The following CCNH variants were observed in gnomAD, a reference collection of about 807,000 sequenced individuals.
CCNH encodes cyclin H, also known as cyclin-H.
A neutral mutation model predicts 41.9 loss-of-function variants in CCNH; 31 were observed. That is an observed-to-expected ratio of 0.74 (90% CI 0.56 to 1.00). CCNH has a LOEUF of 1.00. CCNH is among the 50% of genes least tolerant of loss of function. CCNH has a pLI of 0.00. For synonymous variants in CCNH, 138 were observed against 136.1 expected (o/e 1.01, Z -0.10); for missense variants, 362 against 388.4 (o/e 0.93, Z 0.57).
At chr5:87,410,479 G>A (rs1764148700) in intron 2 of CCNH, among the ~76,000 whole-genome samples, 1 of 151,794 alleles carries the variant, frequency 6.6e-6, no homozygotes, top group African/African-American at 2.4e-5. Context: ...TAAAAATGGA[G>A]ATAATTTCCT....
At chr5:87,401,598 C>A in intron 6 of CCNH, 104 bp downstream of exon 6, 1 of 732,194 alleles carries the variant, frequency 1.4e-6, no homozygotes, top group East Asian at 2.8e-5. Context: ...GAAAAGAAAT[C>A]TAAACAAAAA....
chr5:87,345,858 G>A (rs1212383826), intron 9 of CCNH, among the ~76,000 whole-genome samples: 4 of 152,054 alleles, frequency 2.6e-5, no homozygotes, highest in African/African-American at 4.8e-5. Context: ...ATAGGTGATC[G>A]GGAATTGTCA....
intron 4 of CCNH, among the ~76,000 whole-genome samples, chr5:87,407,682 C>T (rs1431887737): frequency 6.6e-6 from 1 of 152,080 alleles, no homozygotes; most frequent in East Asian, 1.9e-4. Flanking sequence ...TCTAAACTCT[C>T]AATGGTCTTC....
At chr5:87,355,939 G>A (rs1759616324) in intron 9 of CCNH, among the ~76,000 whole-genome samples, 3 of 152,202 alleles carry the variant, frequency 2.0e-5, no homozygotes, top group South Asian at 4.1e-4. Context: ...TGGAAGTGGA[G>A]CTTGAAGATG....
intron 9 of CCNH, among the ~76,000 whole-genome samples, chr5:87,364,601 C>G (rs1164469255): frequency 6.6e-6 from 1 of 151,958 alleles, no homozygotes; most frequent in East Asian, 1.9e-4. Context: ...TGAGATTTTT[C>G]TGCCCCTCTT....
chr5:87,359,018 CAT>C (rs1759872038), intron 9 of CCNH, among the ~76,000 whole-genome samples: 1 of 152,196 alleles, frequency 6.6e-6, no homozygotes, highest in Non-Finnish European at 1.5e-5. Flanking sequence ...TACCTTCTAA[CAT>C]GTAGTACAAT....
intron 9 of CCNH, among the ~76,000 whole-genome samples, chr5:87,342,942 C>T (rs1403904672): frequency 6.6e-6 from 1 of 152,026 alleles, no homozygotes; most frequent in Non-Finnish European, 1.5e-5. Context: ...AAATATAAAT[C>T]CCACTTTCAC....
chr5:87,389,621 T>G, downstream of CCNH: 1 of 1,511,210 alleles, frequency 6.6e-7, no homozygotes, highest in Non-Finnish European at 9.1e-7. Flanking sequence ...ATTTTTATCT[T>G]GTTACATTAA....
intron 9 of CCNH, among the ~76,000 whole-genome samples, chr5:87,383,546 T>A (rs1337244212): frequency 6.6e-6 from 1 of 152,150 alleles, no homozygotes; most frequent in African/African-American, 2.4e-5. Context: ...TGCTTTGGCT[T>A]ACTGTTTTCT....
chr5:87,373,205 C>G (rs1761073725), downstream of CCNH, among the ~76,000 whole-genome samples: 1 of 152,036 alleles, frequency 6.6e-6, no homozygotes, highest in Non-Finnish European at 1.5e-5. Context: ...TCAGCCCTTT[C>G]TATTCATGGG....
downstream of CCNH, chr5:87,386,898 C>G: frequency 6.2e-7 from 1 of 1,610,628 alleles, no homozygotes; most frequent in East Asian, 2.2e-5. Flanking sequence ...TTTAGATGAA[C>G]TTGGGGTATG....
downstream of CCNH, among the ~76,000 whole-genome samples, chr5:87,375,248 T>G (rs1263542397): frequency 6.6e-6 from 1 of 152,092 alleles, no homozygotes; most frequent in Non-Finnish European, 1.5e-5. Flanking sequence ...TTTCTACTTT[T>G]TAGGTTTTTC....
chr5:87,366,770 G>T (rs577392292), intron 9 of CCNH, among the ~76,000 whole-genome samples: 1 of 152,170 alleles, frequency 6.6e-6, no homozygotes, highest in African/African-American at 2.4e-5. Flanking sequence ...AGTGGCTCAC[G>T]CCTGTAATCC....
intron 9 of CCNH, among the ~76,000 whole-genome samples, chr5:87,359,321 A>T (rs1288782826): frequency 6.6e-6 from 1 of 152,172 alleles, no homozygotes; most frequent in Non-Finnish European, 1.5e-5. Flanking sequence ...CTTGGGAGGA[A>T]TGTAAAAAAT....
At chr5:87,330,983 G>C in intron 9 of CCNH, 1 of 1,429,900 alleles carries the variant, frequency 7.0e-7, no homozygotes. Context: ...ATAAGATCGA[G>C]GTAGTAAATT....
At chr5:87,324,653 G>A (rs1330339666) in intron 9 of CCNH, among the ~76,000 whole-genome samples, 1 of 152,156 alleles carries the variant, frequency 6.6e-6, no homozygotes, top group Non-Finnish European at 1.5e-5. Context: ...ATGCACGCAT[G>A]TGCACACACA....
intron 9 of CCNH, among the ~76,000 whole-genome samples, chr5:87,321,685 A>G (rs1306024295): frequency 6.6e-6 from 1 of 152,242 alleles, no homozygotes; most frequent in Non-Finnish European, 1.5e-5. Context: ...GTTTCCGTGG[A>G]GTTAGGGTAT....
intron 9 of CCNH, chr5:87,353,035 T>C (rs1422864875): frequency 1.4e-6 from 1 of 690,206 alleles, no homozygotes; most frequent in Non-Finnish European, 2.6e-6. Context: ...AATGTATTTG[T>C]GTTATGTGCT....
chr5:87,378,758 C>G (rs189398739), upstream of CCNH, among the ~76,000 whole-genome samples: 1 of 152,022 alleles, frequency 6.6e-6, no homozygotes, highest in Non-Finnish European at 1.5e-5. Flanking sequence ...CAAGTTGCAC[C>G]AGAAATTCAT....
Sources: allele counts gnomAD v4.1 joint callset (sites outside exome capture counted in the v4.1 genomes callset), GRCh38; gene constraint gnomAD v4.1.1; transcripts MANE v1.5; gene names NCBI Gene and HGNC (gene_info 2026-07-23, HGNC 2026-07-21).